LEKR1: variants seen among roughly 807,000 people sequenced by gnomAD.
LEKR1 encodes protein LEKR1.
Under a neutral mutation model 72.4 loss-of-function variants are expected in LEKR1, and 59 were observed. The ratio of observed to expected loss-of-function variants is 0.82; its 90% confidence interval spans 0.66 to 1.01. The LOEUF is 1.01. LEKR1 is among the 50% of genes least tolerant of loss of function. LEKR1 has a pLI of 0.00. For synonymous variants in LEKR1, 257 were observed against 263.2 expected (o/e 0.98, Z 0.23); for missense variants, 728 against 759.2 (o/e 0.96, Z 0.48).
intron 3 of LEKR1, among the ~76,000 whole-genome samples, chr3:156,891,312 A>C (rs1269505886): frequency 2.0e-5 from 3 of 152,222 alleles, no homozygotes; most frequent in African/African-American, 4.8e-5. Flanking sequence ...GTAAGAAAAA[A>C]GCATGTGCAT....
intron 12 of LEKR1, among the ~76,000 whole-genome samples, chr3:157,029,448 A>T (rs1216692494): frequency 1.3e-5 from 2 of 152,142 alleles, no homozygotes; most frequent in African/African-American, 2.4e-5. Flanking sequence ...AGTTTGGTGG[A>T]GCCAAGATTC....
At chr3:156,883,206 T>G (rs1354509008) in intron 3 of LEKR1, among the ~76,000 whole-genome samples, 1 of 136,840 alleles carries the variant, frequency 7.3e-6, no homozygotes, top group African/African-American at 2.8e-5. Flanking sequence ...CCACTTGATT[T>G]CAGACTTGCA....
At chr3:156,987,790 TACTAG>T (rs1730827730) in intron 7 of LEKR1, among the ~76,000 whole-genome samples, 1 of 152,214 alleles carries the variant, frequency 6.6e-6, no homozygotes. Flanking sequence ...CACTATGATT[TACTAG>T]ACTATTTTAA....
At chr3:157,024,148 G>A (rs912802024) in intron 10 of LEKR1, among the ~76,000 whole-genome samples, 1 of 152,160 alleles carries the variant, frequency 6.6e-6, no homozygotes, top group African/African-American at 2.4e-5. Flanking sequence ...TTGAAGTATA[G>A]TCTCTACTGA....
intron 3 of LEKR1, among the ~76,000 whole-genome samples, chr3:156,887,295 C>A (rs1395118082): frequency 6.6e-6 from 1 of 151,850 alleles, no homozygotes; most frequent in Non-Finnish European, 1.5e-5. Flanking sequence ...CTTGTCACCT[C>A]TCTGCCTTCT....
intron 3 of LEKR1, among the ~76,000 whole-genome samples, chr3:156,859,429 TA>T: frequency 1.3e-5 from 2 of 152,336 alleles, no homozygotes; most frequent in Non-Finnish European, 2.9e-5. Flanking sequence ...ACTGACTTTT[TA>T]ACAAATTAAT....
At chr3:157,007,143 A>G (rs1362748891) in intron 9 of LEKR1, among the ~76,000 whole-genome samples, 1 of 152,182 alleles carries the variant, frequency 6.6e-6, no homozygotes, top group Non-Finnish European at 1.5e-5. Flanking sequence ...CGGAGCTTGC[A>G]GTGAGCCGAG....
In LEKR1 at chr3:157,028,347, G is replaced by C. The variant is rs1239709965; in HGVS notation, c.1613G>C (p.Arg538Thr). ...GAACAGAAGTCGGATGAACTGAAAA[G>C]AGTAATGCTGGCTCAAACACAACTG... ...EMEQKSDELK[R>T]VMLAQTQLIE... Residue 538 changes from arginine to threonine, a missense_variant, in exon 12 of 13, where the codon AGA (arginine) becomes ACA (threonine). Coordinates refer to ENST00000356539, the MANE Select transcript of LEKR1 (RefSeq NM_001004316.3). The C allele has an allele frequency of 2.5e-6, 4 of 1,612,932 alleles. No homozygotes were observed. The highest frequency in any genetic ancestry group is 3.4e-6 in the Non-Finnish European group (4 of 1,179,498).
intron 7 of LEKR1, among the ~76,000 whole-genome samples, chr3:156,988,900 C>A (rs1000494517): frequency 6.6e-6 from 1 of 151,658 alleles, no homozygotes; most frequent in Admixed American, 6.6e-5. Flanking sequence ...GGTGCGATCT[C>A]GGCTCATTGC....
intron 6 of LEKR1, among the ~76,000 whole-genome samples, chr3:156,964,704 A>G (rs1728414176): frequency 6.6e-6 from 1 of 152,140 alleles, no homozygotes; most frequent in Non-Finnish European, 1.5e-5. Context: ...GGCTGAAGAT[A>G]CACTCCATCT....
At chr3:157,021,724 A>G (rs1455062548) in intron 10 of LEKR1, among the ~76,000 whole-genome samples, 1 of 152,276 alleles carries the variant, frequency 6.6e-6, no homozygotes, top group East Asian at 1.9e-4. Flanking sequence ...TTGATACCTT[A>G]GCACCTCAAT....
chr3:156,891,718 T>A (rs1314838836), intron 3 of LEKR1, among the ~76,000 whole-genome samples: 1 of 152,144 alleles, frequency 6.6e-6, no homozygotes, highest in Non-Finnish European at 1.5e-5. Context: ...AGCTGAAGCC[T>A]TAAGTACTAT....
In LEKR1 at chr3:156,968,067, G is replaced by A. The variant is rs1389108039; in HGVS notation, c.746-11127G>A. On this transcript the variant is annotated intron_variant, in intron 6 of 12. Coordinates refer to ENST00000356539, the MANE Select transcript of LEKR1 (RefSeq NM_001004316.3). ...GAGAAATAAAATCCTTTACAGACAA[G>A]CAAATGCTGAGAGATTTTGTCACCA... is the stretch of plus-strand genomic sequence containing the variant. Among the ~76,000 whole-genome samples, 5 of 152,138 alleles carry A rather than the reference G, an allele frequency of 3.3e-5. No individual in the cohort carries two copies. In the East Asian group the frequency reaches 9.6e-4, roughly 29 times the overall value.
intron 3 of LEKR1, among the ~76,000 whole-genome samples, chr3:156,860,996 T>C (rs1010489764): frequency 6.6e-5 from 10 of 152,132 alleles, no homozygotes; most frequent in African/African-American, 2.4e-4. Context: ...TCAAAAACTT[T>C]TTCAGAAAGT....
chr3:156,839,807 T>C (rs1713660856), intron 2 of LEKR1, among the ~76,000 whole-genome samples: 1 of 152,206 alleles, frequency 6.6e-6, no homozygotes, highest in African/African-American at 2.4e-5. Context: ...ATATGGGCGC[T>C]GAAACTAAAG....
chr3:156,914,774 AG>A lies in LEKR1; in HGVS notation c.264-5800del, dbSNP rs770860430. ...TAGAAACCAGTCCAGTTGTGCTTCTAGTACCTCATTTTTTAAAATTACGCTT... is the reference window on the plus strand; with the variant it reads ...TAGAAACCAGTCCAGTTGTGCTTCTATACCTCATTTTTTAAAATTACGCTT... On this transcript the variant is annotated intron_variant, in intron 3 of 12. Coordinates refer to ENST00000356539, the MANE Select transcript of LEKR1 (RefSeq NM_001004316.3). Among the ~76,000 whole-genome samples, 17 of 152,206 alleles carry A rather than the reference AG, an allele frequency of 1.1e-4. No homozygotes were observed. The East Asian group carries it at 1.2e-3, about 10-fold the overall frequency.
At chr3:156,939,053 T>A (rs959710964) in intron 5 of LEKR1, among the ~76,000 whole-genome samples, 1 of 152,240 alleles carries the variant, frequency 6.6e-6, no homozygotes, top group Non-Finnish European at 1.5e-5. Context: ...AGTACAAACA[T>A]TTTAAATAAC....
At chr3:157,025,788 G>A (rs113837407) in intron 11 of LEKR1, among the ~76,000 whole-genome samples, 40 of 152,110 alleles carry the variant, frequency 2.6e-4, no homozygotes, top group African/African-American at 8.7e-4. Flanking sequence ...CACTTTGAGA[G>A]GCCCAAGCAA....
intron 3 of LEKR1, among the ~76,000 whole-genome samples, chr3:156,869,759 TC>T (rs141247957): frequency 0.16 from 23,711 of 143,808 alleles, 2,084 homozygotes; most frequent in South Asian, 0.25. Flanking sequence ...GCTTTTGAGG[TC>T]TTAGCTATAA....
Sources: allele counts gnomAD v4.1 joint callset (sites outside exome capture counted in the v4.1 genomes callset), GRCh38; gene constraint gnomAD v4.1.1; transcripts MANE v1.5; gene names NCBI Gene and HGNC (gene_info 2026-07-23, HGNC 2026-07-21).